The following FAM171B variants were observed in gnomAD, a reference collection of about 807,000 sequenced individuals.
FAM171B encodes protein FAM171B.
FAM171B carries 19 observed loss-of-function variants against 75.6 expected under a neutral mutation model. The observed-to-expected ratio is 0.25, with a 90% confidence interval of 0.18 to 0.37. The LOEUF (loss-of-function observed/expected upper bound fraction) is 0.37, where lower values mean the gene tolerates loss of function less well. FAM171B is among the 10% of genes least tolerant of loss of function. The probability of loss-of-function intolerance (pLI) is 1.00; values close to 1 mark genes in which losing one functional copy is unlikely to be tolerated. For synonymous variants in FAM171B, 367 were observed against 361.7 expected (o/e 1.01, Z -0.17); for missense variants, 848 against 982.4 (o/e 0.86, Z 1.83).
At chr2:186,738,167 T>C (rs543777587) in intron 1 of FAM171B, among the ~76,000 whole-genome samples, 1 of 152,290 alleles carries the variant, frequency 6.6e-6, no homozygotes, top group South Asian at 2.1e-4. Context: ...TCCACTCCCA[T>C]AGCTTGGAGA....
chr2:186,735,438 A>C (rs1690186010), intron 1 of FAM171B, among the ~76,000 whole-genome samples: 1 of 152,144 alleles, frequency 6.6e-6, no homozygotes, highest in South Asian at 2.1e-4. Context: ...TTGCAGGAGT[A>C]ATTGGGGAAA....
In FAM171B at chr2:186,729,246, C is replaced by T. The variant is rs974301728; in HGVS notation, c.239-10982C>T. 8.6e-5 allele frequency among the ~76,000 whole-genome samples: 13 copies of T among 151,872 alleles called. No individual in the cohort carries two copies. In the East Asian group the frequency reaches 1.2e-3, roughly 14 times the overall value. ...CATTTAATACTGAACCATTTTAAAA[C>T]GAATAGTGATATGTTGAAAAGATGA... is the stretch of plus-strand genomic sequence containing the variant. On this transcript the variant is annotated intron_variant, in intron 1 of 7. Transcript: ENST00000304698.
intron 4 of FAM171B, among the ~76,000 whole-genome samples, chr2:186,750,355 C>T (rs1690434391): frequency 6.6e-6 from 1 of 152,154 alleles, no homozygotes; most frequent in Admixed American, 6.5e-5. Flanking sequence ...AGAAAGCGTA[C>T]TGTAAATTGT....
At chr2:186,704,900 A>T (rs147102384) in intron 1 of FAM171B, among the ~76,000 whole-genome samples, 2 of 152,064 alleles carry the variant, frequency 1.3e-5, no homozygotes, top group Non-Finnish European at 2.9e-5. Context: ...AGGAGGAAGG[A>T]CCTCCCAAGT....
intron 5 of FAM171B, among the ~76,000 whole-genome samples, chr2:186,752,095 A>G (rs1269492789): frequency 6.6e-6 from 1 of 152,198 alleles, no homozygotes; most frequent in Non-Finnish European, 1.5e-5. Context: ...ATACTTTGCC[A>G]GGTTGAAGGC....
At chr2:186,720,743 C>T (rs545816410) in intron 1 of FAM171B, among the ~76,000 whole-genome samples, 26 of 128,008 alleles carry the variant, frequency 2.0e-4, no homozygotes, top group Non-Finnish European at 4.0e-4. Flanking sequence ...AAAACAAAAA[C>T]TCTCTAATTA....
In FAM171B at chr2:186,762,676, G is replaced by A. The variant is rs749843421; in HGVS notation, c.2334G>A (p.Glu778=). Residue 778 remains glutamate, a synonymous_variant, in exon 8 of 8, where the codon GAG becomes GAA. Coordinates refer to ENST00000304698, the MANE Select transcript of FAM171B (RefSeq NM_177454.4). The surrounding 1 kb of genome is among the most constrained non-coding windows in gnomAD (Gnocchi z 4.0). ...TGATCATGGAGCACCCTGGAGAAGA[G>A]TCGCCAGGAAGGAAAAGCACTGTTG... ...SGVIMEHPGE[E]SPGRKSTVED... is the part of the protein sequence containing the mutation. 2 of 1,613,094 alleles carry A rather than the reference G, an allele frequency of 1.2e-6. No individual in the cohort carries two copies. Among genetic ancestry groups the A allele is most frequent in the Non-Finnish European group, 8.5e-7 (1 of 1,179,596 alleles).
At chr2:186,717,472 A>T (rs1317546054) in intron 1 of FAM171B, among the ~76,000 whole-genome samples, 1 of 152,146 alleles carries the variant, frequency 6.6e-6, no homozygotes, top group Non-Finnish European at 1.5e-5. Context: ...AATCACCAAG[A>T]TGGACTGACT....
At chr2:186,715,189 T>TTG (rs765855128) in intron 1 of FAM171B, among the ~76,000 whole-genome samples, 32 of 151,468 alleles carry the variant, frequency 2.1e-4, no homozygotes, top group South Asian at 6.2e-4. Flanking sequence ...CTGAGGGGTT[T>TTG]TGTGTGTGTG....
chr2:186,725,569 C>T (rs1690020504), intron 1 of FAM171B, among the ~76,000 whole-genome samples: 1 of 152,066 alleles, frequency 6.6e-6, no homozygotes, highest in South Asian at 2.1e-4. Flanking sequence ...TCACTCCTTC[C>T]CCTCACACCC....
chr2:186,749,650 T>TA (rs1246874911), intron 4 of FAM171B, among the ~76,000 whole-genome samples: 1 of 152,188 alleles, frequency 6.6e-6, no homozygotes, highest in Non-Finnish European at 1.5e-5. Flanking sequence ...GCAGTCATGA[T>TA]AATGAGGACT....
intron 1 of FAM171B, among the ~76,000 whole-genome samples, chr2:186,708,541 G>A (rs1689765544): frequency 6.6e-6 from 1 of 152,140 alleles, no homozygotes; most frequent in Non-Finnish European, 1.5e-5. Flanking sequence ...AGCTACTGTG[G>A]AAACAGGTAT....
Position 186,749,722 on chromosome 2 carries a change from T to C in FAM171B, c.725-1412T>C, listed in dbSNP as rs536346219. Among the ~76,000 whole-genome samples the C allele has an allele frequency of 2.0e-5, 3 of 152,292 alleles. No individual in the cohort carries two copies. The East Asian group carries it at 5.8e-4, about 29-fold the overall frequency. On this transcript the variant is annotated intron_variant, in intron 4 of 7. Coordinates refer to ENST00000304698, the MANE Select transcript of FAM171B (RefSeq NM_177454.4). ...TCTCCCCTGCTGCCCTCTAGCCCTG[T>C]GGCCACCTTTCTTTCCTGCACCTGC...
intron 1 of FAM171B, among the ~76,000 whole-genome samples, chr2:186,697,302 C>T (rs542068227): frequency 3.9e-5 from 6 of 152,156 alleles, no homozygotes; most frequent in Admixed American, 1.3e-4. Flanking sequence ...TTTTTTGAGA[C>T]AGGGTTGAGT....
At chr2:186,748,680 T>A (rs1213443104) in intron 4 of FAM171B, among the ~76,000 whole-genome samples, 1 of 152,242 alleles carries the variant, frequency 6.6e-6, no homozygotes, top group Non-Finnish European at 1.5e-5. Context: ...CATCCTGTAC[T>A]GGCTCCCTTC....
chr2:186,747,955 CT>C (rs1373152413), intron 4 of FAM171B, among the ~76,000 whole-genome samples: 1 of 151,956 alleles, frequency 6.6e-6, no homozygotes, highest in African/African-American at 2.4e-5. Context: ...CAGGGTCTTG[CT>C]CTGTTTCCCA....
intron 1 of FAM171B, among the ~76,000 whole-genome samples, chr2:186,715,241 A>G (rs1293817391): frequency 6.6e-6 from 1 of 152,032 alleles, no homozygotes; most frequent in Non-Finnish European, 1.5e-5. Context: ...TTGCTCTGTC[A>G]ACCAGGTTGA....
intron 1 of FAM171B, among the ~76,000 whole-genome samples, chr2:186,698,503 T>A (rs553048684): frequency 2.0e-5 from 3 of 152,148 alleles, no homozygotes; most frequent in Non-Finnish European, 4.4e-5. Flanking sequence ...CTACGTGGGA[T>A]TTGTTTTTAA....
intron 2 of FAM171B, among the ~76,000 whole-genome samples, chr2:186,741,506 TA>T (rs918511771): frequency 1.3e-5 from 2 of 152,054 alleles, no homozygotes; most frequent in African/African-American, 4.8e-5. Flanking sequence ...CCTAACTAAA[TA>T]AGGTAAATGG....
Sources: gnomAD v4.1 joint callset for allele counts (sites outside exome capture counted in the v4.1 genomes callset) on GRCh38, gnomAD v4.1.1 for gene constraint, Gnocchi (gnomAD v3.1) non-coding constraint, MANE v1.5 for transcripts, NCBI Gene and HGNC (gene_info 2026-07-23, HGNC 2026-07-21) for gene names.